Variants in CTSB observed in about 807,000 individuals in gnomAD.
CTSB encodes the protein cathepsin B.
A neutral mutation model predicts 44.3 loss-of-function variants in CTSB; 57 were observed. That is an observed-to-expected ratio of 1.29 (90% CI 1.04 to 1.60). The LOEUF is 1.60. Among genes scored for constraint, CTSB ranks in the 40% most tolerant of loss-of-function variants. CTSB has a pLI of 0.00. For synonymous variants in CTSB, 320 were observed against 168.0 expected, an observed-to-expected ratio of 1.91 and a Z score of -7.00; for missense variants, 768 against 443.0, an observed-to-expected ratio of 1.73 and a Z score of -6.59.
In CTSB at chr8:11,847,171, G is replaced by A. The variant is rs376903147; in HGVS notation, c.677-3C>T. On this transcript the variant is annotated splice_region_variant and splice_polypyrimidine_tract_variant and intron_variant, in intron 7 of 9. Transcript: ENST00000353047. ...GGAGACGCTGTAGGAATTGTATCCT[G>A]GAAAATGAACCGAGCTCGGGGTTGG... The A allele has an allele frequency of 1.3e-6, 2 of 1,598,078 alleles. No individual in the cohort carries two copies. The highest frequency in any genetic ancestry group is 2.2e-5 in the East Asian group (1 of 44,718).
intron 8 of CTSB, 127 bp from the exon 9 acceptor site, chr8:11,845,916 C>G: frequency 9.3e-7 from 1 of 1,078,586 alleles, no homozygotes; most frequent in Non-Finnish European, 1.3e-6. Context: ...TGCTGCTCCA[C>G]CAGGAGGCTC....
chr8:11,861,743 G>A (rs1025741627), intron 1 of CTSB, among the ~76,000 whole-genome samples: 1 of 152,202 alleles, frequency 6.6e-6, no homozygotes, highest in African/African-American at 2.4e-5. Flanking sequence ...AAAGGACCTT[G>A]GGCCTGCTTT....
chr8:11,849,120 G>C lies in CTSB; in HGVS notation c.372C>G (p.His124Gln). Residue 124 changes from histidine (H) to glutamine (Q), a missense_variant, in exon 5 of 10, where the codon CAC becomes CAG. His to Gln is a conservative substitution (Grantham distance 24, BLOSUM62 0). Coordinates refer to ENST00000353047, the MANE Select transcript of CTSB (RefSeq NM_001908.5). The stretch of plus-strand genomic sequence containing the variant: ...CCTCCACGCTGACGTGCGCATTGGT[G>C]TGGATGCAGATCCGGTCAGAGATGG... ...VEAISDRICIHTNAHVSVEVS... is the reference protein window; with the variant it reads ...VEAISDRICIQTNAHVSVEVS... 3.1e-6 allele frequency: 5 copies of C among 1,613,548 alleles called. No homozygotes were observed. Among genetic ancestry groups the C allele is most frequent in the Non-Finnish European group, 3.4e-6 (4 of 1,179,872 alleles).
At chr8:11,852,752 C>T (rs1814827259) in intron 2 of CTSB, 57 bp from the exon 3 acceptor site, 54 of 1,503,036 alleles carry the variant, frequency 3.6e-5, no homozygotes, top group South Asian at 3.2e-4. Context: ...TGGATGGGCA[C>T]GCTGCCCACA....
intron 1 of CTSB, chr8:11,862,206 C>CA (rs573172612): frequency 0.03 from 2,634 of 88,292 alleles, 22 homozygotes; most frequent in East Asian, 0.048. Context: ...GACTCCATCT[C>CA]AAAAAAAAAA....
intron 1 of CTSB, among the ~76,000 whole-genome samples, chr8:11,866,194 T>C (rs541193399): frequency 6.6e-6 from 1 of 152,074 alleles, no homozygotes; most frequent in Non-Finnish European, 1.5e-5. Flanking sequence ...AACTCCCAGG[T>C]CCAGCAGCTG....
intron 4 of CTSB, among the ~76,000 whole-genome samples, chr8:11,850,327 G>A (rs557932516): frequency 1.6e-4 from 24 of 147,572 alleles, no homozygotes; most frequent in Admixed American, 4.8e-4. Context: ...ACTGAGGCAG[G>A]AGAATTGCTT....
chr8:11,863,827 G>A (rs1816747253), intron 1 of CTSB, among the ~76,000 whole-genome samples: 3 of 152,278 alleles, frequency 2.0e-5, no homozygotes, highest in South Asian at 2.1e-4. Context: ...ACTGCTGGGC[G>A]AGTAAATTGA....
At chr8:11,847,275 A>G (rs1224438120) in intron 7 of CTSB, 107 bp from the exon 8 acceptor site, 4 of 744,914 alleles carry the variant, frequency 5.4e-6, no homozygotes, top group Admixed American at 3.8e-5. Context: ...GGAAGACTGC[A>G]TCTAAGGGGA....
chr8:11,866,271 G>A (rs1465379979), intron 1 of CTSB, among the ~76,000 whole-genome samples: 2 of 152,236 alleles, frequency 1.3e-5, no homozygotes, highest in East Asian at 3.8e-4. Flanking sequence ...CACATGGGCA[G>A]TTTCAACCTG....
chr8:11,867,471 T>C (rs1817324844), intron 1 of CTSB: 1 of 152,320 alleles, frequency 6.6e-6, no homozygotes, highest in Non-Finnish European at 1.5e-5. Flanking sequence ...AGGACCTGTC[T>C]TCTGGGGTCC....
chr8:11,858,041 T>G (rs1314074196), intron 1 of CTSB: 1 of 152,202 alleles, frequency 6.6e-6, no homozygotes, highest in African/African-American at 2.4e-5. Flanking sequence ...GGGTCTGACC[T>G]TCCCCAAGCC....
At chr8:11,848,838 C>T in intron 5 of CTSB, 2 of 499,594 alleles carry the variant, frequency 4.0e-6, no homozygotes, top group South Asian at 4.5e-5. Context: ...TGCCACCCCT[C>T]AGACAGCTCT....
At position 11,845,018 on chromosome 8, in the gene CTSB, G is replaced by T; in HGVS notation, c.*107C>A. On this transcript the variant is annotated 3_prime_UTR_variant, in exon 10 of 10. Transcript: ENST00000353047. ...ACAGGTCTGATGTTTGGCCAATCCA[G>T]TCCTTCAGACCCTGTCTGAAACTTG... 2.6e-6 allele frequency: 2 copies of T among 758,080 alleles called. No homozygotes were observed. Among genetic ancestry groups the T allele is most frequent in the Non-Finnish European group, 4.5e-6 (2 of 445,734 alleles). 47.0% of individuals were successfully genotyped at this position (758,080 alleles called of 1,614,324 possible).
At chr8:11,846,057 T>C (rs1295365386) in intron 8 of CTSB, 7 of 295,908 alleles carry the variant, frequency 2.4e-5, no homozygotes, top group Non-Finnish European at 4.4e-5. Context: ...GAATTTCTAA[T>C]ACATTCTAAT....
intron 9 of CTSB, 50 bp downstream of exon 9, chr8:11,845,611 G>A (rs750889297): frequency 8.2e-6 from 13 of 1,592,140 alleles, no homozygotes; most frequent in Non-Finnish European, 1.0e-5. Context: ...ATGGCCACGG[G>A]GTGTGGCTCA....
chr8:11,858,379 C>G (rs933773349), intron 1 of CTSB, among the ~76,000 whole-genome samples: 3 of 152,174 alleles, frequency 2.0e-5, no homozygotes, highest in African/African-American at 7.2e-5. Flanking sequence ...ACTGCAAACT[C>G]TGCCTCCTGG....
intron 8 of CTSB, 67 bp downstream of exon 8, chr8:11,846,985 A>T (rs1813487809): frequency 1.2e-6 from 1 of 852,370 alleles, no homozygotes; most frequent in Non-Finnish European, 2.0e-6. Flanking sequence ...GTCAACATGA[A>T]CCATCCTGGC....
intron 1 of CTSB, among the ~76,000 whole-genome samples, chr8:11,863,489 C>T (rs1040326027): frequency 6.6e-6 from 1 of 151,970 alleles, no homozygotes; most frequent in South Asian, 2.1e-4. Context: ...AGCAAATATG[C>T]CATCACTGAC....
Sources: allele counts gnomAD v4.1 joint callset (sites outside exome capture counted in the v4.1 genomes callset), GRCh38; gene constraint gnomAD v4.1.1; transcripts MANE v1.5; gene names NCBI Gene and HGNC (gene_info 2026-07-23, HGNC 2026-07-21).